The following CD84 variants were observed in gnomAD, a reference collection of about 807,000 sequenced individuals.
CD84 encodes the protein CD84 molecule, also known as SLAM family member 5.
In CD84, 22 loss-of-function variants were observed where a neutral mutation model predicts 33.8. The ratio of observed to expected loss-of-function variants is 0.65; its 90% confidence interval spans 0.46 to 0.93. The LOEUF is 0.93. Among genes scored for constraint, CD84 ranks in the 40% least tolerant of loss-of-function variants. The pLI is 0.00. For synonymous variants in CD84, 154 were observed against 145.2 expected (o/e 1.06, Z -0.44); for missense variants, 400 against 397.6 (o/e 1.01, Z -0.05).
rs1655893253 is a variant in CD84, at chr1:160,547,450, G to A, written c.*806C>T. 1 of 352,052 alleles carries A rather than the reference G, an allele frequency of 2.8e-6. No homozygotes were observed. The highest frequency in any genetic ancestry group is 4.2e-5 in the East Asian group (1 of 23,810). 21.8% of individuals were successfully genotyped at this position (352,052 alleles called of 1,614,324 possible). A position where few individuals can be genotyped will look rare whatever the true frequency, so the allele number is the denominator to read the frequency against. On this transcript the variant is annotated 3_prime_UTR_variant, in exon 7 of 7. Coordinates refer to ENST00000368054, the MANE Select transcript of CD84 (RefSeq NM_003874.4). ...AAGAAAATCCTATAAGGCTTCTGAA[G>A]TAGCACTCCAAGAAAAGTGTCCCAG...
intron 5 of CD84, 40 bp from the exon 6 acceptor site, chr1:160,550,019 GC>G: frequency 8.0e-7 from 1 of 1,255,738 alleles, no homozygotes; most frequent in Non-Finnish European, 1.2e-6. Context: ...GGGAGCCCAG[GC>G]CCATCTACAA....
Position 160,566,692 on chromosome 1 carries a change from T to G in CD84, c.47-947A>C, listed in dbSNP as rs546360412. On this transcript the variant is annotated intron_variant, in intron 1 of 6. Transcript: ENST00000368054. ...TTGATCAGATAACCATAGAAACAAATGGATAGGCACAAAATATGTAAGCAT... is the reference window on the plus strand; with the variant it reads ...TTGATCAGATAACCATAGAAACAAAGGGATAGGCACAAAATATGTAAGCAT... 1.4e-3 allele frequency among the ~76,000 whole-genome samples: 215 copies of G among 152,242 alleles called. 1 individual carries two copies. Among genetic ancestry groups the G allele is most frequent in the African/African-American group, 4.7e-3 (195 of 41,556 alleles).
Position 160,548,070 on chromosome 1 carries a change from T to G in CD84, c.*186A>C. 1.6e-6 allele frequency: 1 copy of G among 622,454 alleles called. No individual in the cohort carries two copies. Among genetic ancestry groups the G allele is most frequent in the Non-Finnish European group, 2.9e-6 (1 of 348,676 alleles). 38.6% of individuals were successfully genotyped at this position (622,454 alleles called of 1,614,324 possible). A position where few individuals can be genotyped will look rare whatever the true frequency, so the allele number is the denominator to read the frequency against. On this transcript the variant is annotated 3_prime_UTR_variant, in exon 7 of 7. Coordinates refer to ENST00000368054, the MANE Select transcript of CD84 (RefSeq NM_003874.4). Reference sequence around the variant, plus strand: ...GAAGGGAGTCATTTCAGGAAGGGTATGCATCCATTTGTCCATTTAGGCACA... The same window carrying G: ...GAAGGGAGTCATTTCAGGAAGGGTAGGCATCCATTTGTCCATTTAGGCACA...
intron 2 of CD84, among the ~76,000 whole-genome samples, chr1:160,561,709 G>C (rs960380443): frequency 1.3e-5 from 2 of 152,276 alleles, no homozygotes; most frequent in African/African-American, 2.4e-5. Flanking sequence ...AATAGGGAGA[G>C]AGGAAGTCAA....
intron 1 of CD84, among the ~76,000 whole-genome samples, chr1:160,577,983 C>T (rs1658075369): frequency 1.3e-5 from 2 of 152,042 alleles, no homozygotes; most frequent in African/African-American, 2.4e-5. Flanking sequence ...TTTTGAAGAG[C>T]ATCAAAAATT....
At chr1:160,570,324 A>T (rs1317408143) in intron 1 of CD84, among the ~76,000 whole-genome samples, 1 of 152,200 alleles carries the variant, frequency 6.6e-6, no homozygotes, top group African/African-American at 2.4e-5. Context: ...ATGATGGAAG[A>T]TAAGGAGAGA....
rs772955995 is a variant in CD84 at position 160,554,196 on chromosome 1, T to G, written c.389-50A>C. On this transcript the variant is annotated intron_variant, in intron 2 of 6. Coordinates refer to ENST00000368054, the MANE Select transcript of CD84 (RefSeq NM_003874.4). ...ATAGTGAGCTGGAGCTGGCTTGTAC[T>G]AGTTTGTGGGAGCCAATTGTTAAAT... 3.0e-5 allele frequency: 43 copies of G among 1,419,458 alleles called. No individual in the cohort carries two copies. In the East Asian group the frequency reaches 8.7e-4, roughly 29 times the overall value. The allele number at this position is 1,419,458 out of a possible 1,614,324, so 87.9% of individuals were successfully genotyped here.
rs578086841 is a variant in CD84, at chr1:160,555,399, T to A, written c.389-1253A>T. Among the ~76,000 whole-genome samples the A allele has an allele frequency of 5.3e-5, 8 of 151,476 alleles. No homozygotes were observed. The South Asian group carries it at 8.3e-4, about 16-fold the overall frequency. On this transcript the variant is annotated intron_variant, in intron 2 of 6. Coordinates refer to ENST00000368054, the MANE Select transcript of CD84 (RefSeq NM_003874.4). ...CACCCAGCCAAAATAATCTTTAAAA[T>A]TTTTTTTCATTCTGTTTTCTGGTGT... is the stretch of plus-strand genomic sequence containing the variant.
At chr1:160,561,577 G>A (rs1656968949) in intron 2 of CD84, among the ~76,000 whole-genome samples, 1 of 152,122 alleles carries the variant, frequency 6.6e-6, no homozygotes, top group African/African-American at 2.4e-5. Context: ...GCAAAAGCAG[G>A]AAGCATTCCC....
intron 2 of CD84, among the ~76,000 whole-genome samples, chr1:160,555,855 A>G (rs2102148702): frequency 6.6e-6 from 1 of 152,334 alleles, no homozygotes; most frequent in South Asian, 2.1e-4. Context: ...ATGAACAGTA[A>G]GAAGCTGTAA....
chr1:160,579,401 G>A lies in CD84; in HGVS notation c.37C>T (p.Leu13=). ...AAGGGTCAGAACTCACAGGTTTGCAGGCAAAGGAGCAAGATCCATAGGTGG... is the reference window on the plus strand; with the variant it reads ...AAGGGTCAGAACTCACAGGTTTGCAAGCAAAGGAGCAAGATCCATAGGTGG... ...QHHLWILLLC[L]QTWPEAAGKD... Residue 13 remains leucine (L), a synonymous_variant, in exon 1 of 7, where the codon CTG becomes TTG. Coordinates refer to ENST00000368054, the MANE Select transcript of CD84 (RefSeq NM_003874.4). The A allele has an allele frequency of 1.9e-6, 3 of 1,613,248 alleles. No individual in the cohort carries two copies. The highest frequency in any genetic ancestry group is 2.5e-6 in the Non-Finnish European group (3 of 1,179,416).
At chr1:160,548,529 G>A (rs1374805979) in intron 6 of CD84, among the ~76,000 whole-genome samples, 1 of 152,130 alleles carries the variant, frequency 6.6e-6, no homozygotes, top group Non-Finnish European at 1.5e-5. Flanking sequence ...GAGGCCCTGA[G>A]CAATTAACTT....
intron 1 of CD84, 80 bp from the exon 2 acceptor site, chr1:160,565,825 C>T: frequency 8.1e-7 from 1 of 1,242,126 alleles, no homozygotes; most frequent in Non-Finnish European, 1.1e-6. Context: ...CTTGGAGCTC[C>T]CTGAGGAGCT....
In CD84 at chr1:160,568,580, A is replaced by G. The variant is rs889786344; in HGVS notation, c.47-2835T>C. On this transcript the variant is annotated intron_variant, in intron 1 of 6. Coordinates refer to ENST00000368054, the MANE Select transcript of CD84 (RefSeq NM_003874.4). The stretch of plus-strand genomic sequence containing the variant: ...TAGGTGCAAGTACTTCTACTTATGA[A>G]CTGGACAACCTTAACGAGGTCACAA... Among the ~76,000 whole-genome samples, 25 of 152,174 alleles carry G rather than the reference A, an allele frequency of 1.6e-4. 1 individual carries two copies. Among genetic ancestry groups the G allele is most frequent in the African/African-American group, 5.5e-4 (23 of 41,518 alleles).
At chr1:160,556,660 A>G (rs901299834) in intron 2 of CD84, among the ~76,000 whole-genome samples, 8 of 152,220 alleles carry the variant, frequency 5.3e-5, no homozygotes, top group Admixed American at 4.6e-4. Flanking sequence ...TAGATATTAG[A>G]ATGCCAAACA....
chr1:160,550,615 C>T, intron 5 of CD84: 2 of 985,372 alleles, frequency 2.0e-6, no homozygotes, highest in South Asian at 9.4e-5. Flanking sequence ...CCTCACCTCA[C>T]TCCAGTAGCT....
chr1:160,574,333 T>C (rs1173725724), intron 1 of CD84, among the ~76,000 whole-genome samples: 1 of 152,164 alleles, frequency 6.6e-6, no homozygotes, highest in South Asian at 2.1e-4. Flanking sequence ...CTATACTGTT[T>C]GTGAAGAAAA....
chr1:160,552,808 T>C (rs1269074569), intron 4 of CD84: 3 of 1,217,714 alleles, frequency 2.5e-6, no homozygotes, highest in Non-Finnish European at 3.6e-6. Flanking sequence ...TTGTGATTGG[T>C]GGGAAAAGGA....
Position 160,542,171 on chromosome 1 carries a change from G to C in CD84, c.*6085C>G, listed in dbSNP as rs1223163968. 6.6e-6 allele frequency: 1 copy of C among 152,230 alleles called. No homozygotes were observed. Among genetic ancestry groups the C allele is most frequent in the African/African-American group, 2.4e-5 (1 of 41,462 alleles). The allele number at this position is 152,230 out of a possible 1,614,324, so 9.4% of individuals were successfully genotyped here. A position where few individuals can be genotyped will look rare whatever the true frequency, so the allele number is the denominator to read the frequency against. ...TACTAGGATGAGCTACTGTGATTCAGCCTTAAAGACTTCACCTTTCTGTGA... is the reference window on the plus strand; with the variant it reads ...TACTAGGATGAGCTACTGTGATTCACCCTTAAAGACTTCACCTTTCTGTGA... On this transcript the variant is annotated 3_prime_UTR_variant, in exon 7 of 7. Transcript: ENST00000368054.
Sources: allele counts gnomAD v4.1 joint callset (sites outside exome capture counted in the v4.1 genomes callset), GRCh38; gene constraint gnomAD v4.1.1; transcripts MANE v1.5; gene names NCBI Gene and HGNC (gene_info 2026-07-23, HGNC 2026-07-21).